Variants in CCDC9 observed in about 807,000 individuals in gnomAD.
CCDC9 encodes coiled-coil domain-containing protein 9.
CCDC9 carries 52 observed loss-of-function variants against 65.6 expected under a neutral mutation model. The ratio of observed to expected loss-of-function variants is 0.79; its 90% CI spans 0.63 to 1.00. The LOEUF (loss-of-function observed/expected upper bound fraction) is 1.00. Ranked by LOEUF, CCDC9 falls within the 50% of genes least tolerant of loss-of-function variation. The pLI is 0.00. For synonymous variants in CCDC9, 332 were observed against 280.3 expected (o/e 1.18, Z -1.84); for missense variants, 834 against 757.2 (o/e 1.10, Z -1.19).
intron 7 of CCDC9, among the ~76,000 whole-genome samples, chr19:47,265,829 G>A (rs1402477748): frequency 6.8e-6 from 1 of 146,148 alleles, no homozygotes; most frequent in East Asian, 2.0e-4. Flanking sequence ...CTGGGACTAA[G>A]GTGCCCACCA....
In CCDC9 at chr19:47,258,668, C is replaced by T; in HGVS notation, c.108+5C>T. On this transcript the variant is annotated splice_donor_5th_base_variant and intron_variant, in intron 3 of 11. Transcript: ENST00000221922. ...GCCCTCATCCGGCGCTACCAGGTGC[C>T]CTAGCCCCGCCCTGGGAGACCCCAT... 1 of 1,609,554 alleles carries T rather than the reference C, an allele frequency of 6.2e-7. No individual in the cohort carries two copies. The highest frequency in any genetic ancestry group is 8.5e-7 in the Non-Finnish European group (1 of 1,175,820).
chr19:47,271,738 CGCG>C lies in CCDC9; in HGVS notation c.*61_*63del, dbSNP rs2059124571. The C allele has an allele frequency of 2.5e-6, 1 of 396,676 alleles. No individual in the cohort carries two copies. Among genetic ancestry groups the C allele is most frequent in the African/African-American group, 6.3e-5 (1 of 15,848 alleles). 24.6% of individuals were successfully genotyped at this position (396,676 alleles called of 1,614,324 possible). ...GTGTGTGTGTGTGTGTGTGTGCGCG[CGCG>C]CGCGCGCGCGCGCGCGCGCTAGAGG... is the stretch of plus-strand genomic sequence containing the variant. On this transcript the variant is annotated 3_prime_UTR_variant, in exon 12 of 12. Transcript: ENST00000221922.
Position 47,260,362 on chromosome 19 carries a change from C to T in CCDC9, c.150C>T (p.Val50=), listed in dbSNP as rs758811721. 46 of 1,602,432 alleles carry T rather than the reference C, an allele frequency of 2.9e-5. No homozygotes were observed. The South Asian group carries it at 3.0e-4, about 11-fold the overall frequency. The change falls in exon 4 of 12, where the codon GTC becomes GTT. Residue 50 remains valine, a synonymous_variant. Coordinates refer to ENST00000221922, the MANE Select transcript of CCDC9 (RefSeq NM_015603.3). ...GTAAGAAAGCTGAACTTGAGGGAGT[C>T]GCAGTCACAGCTCCCCGAAAGGGCC... The part of the protein sequence containing the change: ...EDRKKAELEG[V]AVTAPRKGRS...
In CCDC9 at chr19:47,271,843, A is replaced by G. The variant is rs2059126218; in HGVS notation, c.*165A>G. The G allele has an allele frequency of 1.4e-6, 2 of 1,415,718 alleles. No individual in the cohort carries two copies. The highest frequency in any genetic ancestry group is 1.8e-6 in the Non-Finnish European group (2 of 1,088,866). The allele number at this position is 1,415,718 out of a possible 1,614,324, so 87.7% of individuals were successfully genotyped here. ...CCACAGCCCTGTCAGCTGAGGGGGT[A>G]GCGCAGCCCATGCTCTTCTGTACTG... On this transcript the variant is annotated 3_prime_UTR_variant, in exon 12 of 12. Transcript: ENST00000221922.
rs1600275068 is a variant in CCDC9, at chr19:47,258,423, T to A, written c.3+20T>A. 1 of 1,613,532 alleles carries A rather than the reference T, an allele frequency of 6.2e-7. No individual in the cohort carries two copies. The highest frequency in any genetic ancestry group is 8.5e-7 in the Non-Finnish European group (1 of 1,179,850). Reference sequence around the variant, plus strand: ...GAAATGGTGAGGCTGAAAAATGGGGTCTCTAGAATCTGAGTTTTGGGGAAG... The same window carrying A: ...GAAATGGTGAGGCTGAAAAATGGGGACTCTAGAATCTGAGTTTTGGGGAAG... On this transcript the variant is annotated intron_variant, in intron 2 of 11. Transcript: ENST00000221922.
At chr19:47,270,737 G>A in intron 10 of CCDC9, 49 bp downstream of exon 10, 1 of 1,546,902 alleles carries the variant, frequency 6.5e-7, no homozygotes, top group Non-Finnish European at 8.7e-7. Flanking sequence ...CTCTCCGCAG[G>A]GCGTTCTCTT....
At chr19:47,264,734 CG>C in intron 6 of CCDC9, 38 bp from the exon 7 acceptor site, 1 of 1,602,334 alleles carries the variant, frequency 6.2e-7, no homozygotes, top group Non-Finnish European at 8.5e-7. Flanking sequence ...GCCTGGGCTG[CG>C]GGGAGCCCGC....
At chr19:47,272,029 A>C, downstream of CCDC9, 1 of 1,236,950 alleles carries the variant, frequency 8.1e-7, no homozygotes, top group Non-Finnish European at 1.0e-6. Flanking sequence ...GGGAGATGTC[A>C]GGCGGGAAAG....
intron 8 of CCDC9, among the ~76,000 whole-genome samples, chr19:47,268,180 C>T (rs889912295): frequency 6.6e-6 from 1 of 152,104 alleles, no homozygotes; most frequent in Admixed American, 6.6e-5. Flanking sequence ...CATTGTTAAC[C>T]TCAAGTTTGA....
At chr19:47,262,423 G>T (rs2059052068) in intron 5 of CCDC9, among the ~76,000 whole-genome samples, 1 of 151,976 alleles carries the variant, frequency 6.6e-6, no homozygotes, top group Non-Finnish European at 1.5e-5. Context: ...CGCCATGTTG[G>T]CCAGGCTGGC....
At chr19:47,258,821 C>G (rs895036831) in intron 3 of CCDC9, among the ~76,000 whole-genome samples, 158 bp downstream of exon 3, 1 of 152,216 alleles carries the variant, frequency 6.6e-6, no homozygotes, top group Non-Finnish European at 1.5e-5. Flanking sequence ...TTCCATTATT[C>G]ATTCATTCAT....
downstream of CCDC9, chr19:47,275,112 G>A (rs768911805): frequency 1.9e-5 from 29 of 1,493,030 alleles, no homozygotes; most frequent in African/African-American, 4.4e-5. Context: ...CGCGGCACCC[G>A]CCGGCCCACA....
downstream of CCDC9, chr19:47,273,951 T>TCCCC (rs1049307311): frequency 1.0e-6 from 1 of 982,214 alleles, no homozygotes; most frequent in African/African-American, 1.8e-5. Flanking sequence ...CCGTCTTCCC[T>TCCCC]CCCCCCTCCC....
rs988738067 is a variant in CCDC9 at position 47,264,964 on chromosome 19, G to A, written c.720+18G>A. ...AGCGGCAGGTGGGTGTTGGCAGTGA[G>A]GACACCTCGGGGCTCTCAGGGCTTT... On this transcript the variant is annotated intron_variant, in intron 7 of 11. Transcript: ENST00000221922. 4 of 1,434,792 alleles carry A rather than the reference G, an allele frequency of 2.8e-6. No individual in the cohort carries two copies. In the African/African-American group the frequency reaches 4.3e-5, roughly 15 times the overall value. 88.9% of individuals were successfully genotyped at this position (1,434,792 alleles called of 1,614,324 possible). A position where few individuals can be genotyped will look rare whatever the true frequency, so the allele number is the denominator to read the frequency against.
intron 5 of CCDC9, among the ~76,000 whole-genome samples, chr19:47,261,104 G>A (rs1436640813): frequency 1.3e-5 from 2 of 151,294 alleles, no homozygotes; most frequent in African/African-American, 2.4e-5. Flanking sequence ...CCTGCTCCCC[G>A]TCTTCTTGTT....
chr19:47,266,697 G>A lies in CCDC9; in HGVS notation c.807G>A (p.Gln269=). The change falls in exon 8 of 12, where the codon CAG becomes CAA. Residue 269 remains glutamine (Q), a synonymous_variant. Transcript: ENST00000221922. ...RERSEYLRWK[Q]EREKIDQERL... ...GGTCGGAGTACCTGCGCTGGAAGCA[G>A]GAGAGGGAGAAGATCGACCAGGAGC... 1 of 1,611,138 alleles carries A rather than the reference G, an allele frequency of 6.2e-7. No individual in the cohort carries two copies. The highest frequency in any genetic ancestry group is 8.5e-7 in the Non-Finnish European group (1 of 1,178,700).
chr19:47,273,300 C>A, downstream of CCDC9: 1 of 976,754 alleles, frequency 1.0e-6, no homozygotes, highest in Non-Finnish European at 1.3e-6. Context: ...GGTGCTGGGC[C>A]GGGGGGGAGG....
chr19:47,274,097 C>T (rs2059141249), downstream of CCDC9: 1 of 520,574 alleles, frequency 1.9e-6, no homozygotes, highest in Non-Finnish European at 2.5e-6. Context: ...CTAGTCTGGA[C>T]CCCTTGGCTC....
intron 8 of CCDC9, among the ~76,000 whole-genome samples, chr19:47,269,911 C>G (rs1412026386): frequency 6.6e-6 from 1 of 151,620 alleles, no homozygotes; most frequent in Non-Finnish European, 1.5e-5. Flanking sequence ...CATTCTGAAT[C>G]TTTTTGTATT....
Sources: allele counts gnomAD v4.1 joint callset (sites outside exome capture counted in the v4.1 genomes callset), GRCh38; gene constraint gnomAD v4.1.1; transcripts MANE v1.5; gene names NCBI Gene and HGNC (gene_info 2026-07-23, HGNC 2026-07-21).